PTPA: variants seen among roughly 807,000 people sequenced by gnomAD.
PTPA encodes protein phosphatase 2 phosphatase activator.
PTPA carries 13 observed loss-of-function variants against 43.6 expected under a neutral mutation model. The observed-to-expected ratio is 0.30, with a 90% CI of 0.19 to 0.47. PTPA has a LOEUF of 0.47. Ranked by LOEUF, PTPA falls within the 20% of genes least tolerant of loss-of-function variation. PTPA has a pLI of 0.99. For synonymous variants in PTPA, 172 were observed against 158.2 expected (o/e 1.09, Z -0.66); for missense variants, 329 against 411.9 (o/e 0.80, Z 1.74).
At chr9:129,146,405 G>C (rs1851304840) in intron 9 of PTPA, among the ~76,000 whole-genome samples, 1 of 152,194 alleles carries the variant, frequency 6.6e-6, no homozygotes, top group South Asian at 2.1e-4. Flanking sequence ...TGAGGAGAGG[G>C]AACCTGGGCC....
chr9:129,140,596 C>G (rs1317911620), intron 8 of PTPA, among the ~76,000 whole-genome samples: 1 of 152,216 alleles, frequency 6.6e-6, no homozygotes, highest in African/African-American at 2.4e-5. Flanking sequence ...TGCCCATCTG[C>G]CTGCCTTTGC....
chr9:129,141,022 T>TG (rs1305475592), intron 8 of PTPA, among the ~76,000 whole-genome samples: 1 of 151,890 alleles, frequency 6.6e-6, no homozygotes, highest in Non-Finnish European at 1.5e-5. Flanking sequence ...TGCCTGGCTG[T>TG]GGTGGAGCCT....
chr9:129,124,273 G>A (rs1313425027), intron 3 of PTPA, among the ~76,000 whole-genome samples: 1 of 152,056 alleles, frequency 6.6e-6, no homozygotes, highest in Non-Finnish European at 1.5e-5. Flanking sequence ...TGAACTCCTG[G>A]GCTCAAGCAG....
At chr9:129,118,669 C>T (rs1849052510) in intron 1 of PTPA, among the ~76,000 whole-genome samples, 1 of 152,032 alleles carries the variant, frequency 6.6e-6, no homozygotes, top group African/African-American at 2.4e-5. Flanking sequence ...GCCACCGCGC[C>T]CCGCCTAAAA....
upstream of PTPA, chr9:129,111,407 C>G (rs2131518343): frequency 1.6e-6 from 2 of 1,245,244 alleles, no homozygotes; most frequent in African/African-American, 3.1e-5. Flanking sequence ...GCTCCCTGAG[C>G]GCCCCGCACC....
intron 7 of PTPA, among the ~76,000 whole-genome samples, chr9:129,137,124 A>G (rs568419747): frequency 3.8e-4 from 58 of 152,334 alleles, no homozygotes; most frequent in African/African-American, 1.2e-3. Context: ...GTAGGTGATC[A>G]TCTCTATTTT....
intron 8 of PTPA, 22 bp from the exon 9 acceptor site, chr9:129,142,423 G>C: frequency 6.4e-7 from 1 of 1,550,872 alleles, no homozygotes; most frequent in Non-Finnish European, 8.7e-7. Context: ...TGTCTCTTCA[G>C]CTTGTGGCTT....
chr9:129,116,782 C>T (rs1327558295), intron 1 of PTPA, among the ~76,000 whole-genome samples: 1 of 152,160 alleles, frequency 6.6e-6, no homozygotes, highest in African/African-American at 2.4e-5. Context: ...CTGCCCACCT[C>T]TGCCTACCAA....
intron 2 of PTPA, 109 bp from the exon 3 acceptor site, chr9:129,122,943 A>C (rs1175180323): frequency 1.3e-6 from 1 of 777,712 alleles, no homozygotes; most frequent in African/African-American, 1.7e-5. Context: ...CAGGGTCAGG[A>C]GAAGTAGAAA....
chr9:129,142,400 C>T (rs1235668790), intron 8 of PTPA, 45 bp from the exon 9 acceptor site: 8 of 1,526,128 alleles, frequency 5.2e-6, no homozygotes, highest in Non-Finnish European at 7.1e-6. Context: ...GGGATGAGCT[C>T]CCAGCCAGAA....
At chr9:129,135,394 A>T (rs980846827) in intron 6 of PTPA, among the ~76,000 whole-genome samples, 1 of 150,248 alleles carries the variant, frequency 6.7e-6, no homozygotes, top group Non-Finnish European at 1.5e-5. Flanking sequence ...CTCTGTCTTA[A>T]AAAAAAAAAG....
At chr9:129,143,099 G>A in intron 9 of PTPA, 1 of 652,348 alleles carries the variant, frequency 1.5e-6, no homozygotes, top group Non-Finnish European at 2.6e-6. Context: ...ATGCTGAGGA[G>A]AGGAGAGCTG....
chr9:129,126,414 A>G lies in PTPA; in HGVS notation c.217-2571A>G, dbSNP rs141689164. On this transcript the variant is annotated intron_variant, in intron 3 of 9. Coordinates refer to ENST00000393370, the MANE Select transcript of PTPA (RefSeq NM_178000.3). ...AGGCTGGTCTCGAACTCCCGAACTC[A>G]GGTGATCTGCCCGTCTTGGCCTCCG... is the stretch of plus-strand genomic sequence containing the variant. Among the ~76,000 whole-genome samples the G allele has an allele frequency of 2.6e-4, 39 of 152,094 alleles. No individual in the cohort carries two copies. The East Asian group carries it at 7.6e-3, about 30-fold the overall frequency.
At chr9:129,142,579 G>A (rs577845661) in intron 9 of PTPA, 27 bp downstream of exon 9, 27 of 1,613,384 alleles carry the variant, frequency 1.7e-5, no homozygotes, top group Admixed American at 3.3e-5. Context: ...CAGTGTGCCC[G>A]TCCCTGCTGC....
Position 129,129,061 on chromosome 9 carries a change from C to G in PTPA, c.293C>G (p.Ser98Cys). The change falls in exon 4 of 10, where the codon TCT (serine) becomes TGT (cysteine). Residue 98 changes from serine (S) to cysteine (C), a missense_variant. Ser to Cys is a moderately radical substitution (Grantham distance 112). Transcript: ENST00000393370. Reference sequence around the variant, plus strand: ...GAGACTCCTCCAGTGGACCAGCCCTCTCGGTTTGGGAATAAGGCATACAGG... The same window carrying G: ...GAGACTCCTCCAGTGGACCAGCCCTGTCGGTTTGGGAATAAGGCATACAGG... ...IDETPPVDQP[S>C]RFGNKAYRTW... is the part of the protein sequence containing the mutation. 1 of 1,612,698 alleles carries G rather than the reference C, an allele frequency of 6.2e-7. No individual in the cohort carries two copies. Among genetic ancestry groups the G allele is most frequent in the Non-Finnish European group, 8.5e-7 (1 of 1,180,012 alleles).
chr9:129,134,778 T>C lies in PTPA; in HGVS notation c.461-17T>C, dbSNP rs1850242492. ...TTACCTGGACTACTGTCAACGCTGG[T>C]TGTTTTTCTCCTCCAGGGCATGAGG... is the stretch of plus-strand genomic sequence containing the variant. On this transcript the variant is annotated splice_polypyrimidine_tract_variant and intron_variant, in intron 5 of 9. Coordinates refer to ENST00000393370, the MANE Select transcript of PTPA (RefSeq NM_178000.3). The C allele has an allele frequency of 6.3e-7, 1 of 1,598,804 alleles. No homozygotes were observed. The highest frequency in any genetic ancestry group is 1.7e-4 in the Middle Eastern group (1 of 6,010).
intron 3 of PTPA, among the ~76,000 whole-genome samples, chr9:129,125,338 A>G (rs535308724): frequency 2.0e-5 from 3 of 150,250 alleles, no homozygotes; most frequent in African/African-American, 7.4e-5. Context: ...TGCAGCCTCC[A>G]CCTCCCAGGC....
chr9:129,137,913 C>T (rs959064439), intron 8 of PTPA: 2 of 565,842 alleles, frequency 3.5e-6, no homozygotes, highest in East Asian at 3.3e-5. Context: ...TTCTCCTGAA[C>T]ACCACAGGAG....
chr9:129,119,875 G>C (rs1266718564), intron 1 of PTPA: 1 of 152,264 alleles, frequency 6.6e-6, no homozygotes, highest in Non-Finnish European at 1.5e-5. Flanking sequence ...AGGGCAGGAG[G>C]CTGTGGGTTT....
Sources: gnomAD v4.1 joint callset for allele counts (sites outside exome capture counted in the v4.1 genomes callset) on GRCh38, gnomAD v4.1.1 for gene constraint, MANE v1.5 for transcripts, NCBI Gene and HGNC (gene_info 2026-07-23, HGNC 2026-07-21) for gene names.